Variants in HIVEP1 observed in about 807,000 individuals in gnomAD.
HIVEP1 encodes the protein HIVEP zinc finger 1, also known as zinc finger protein 40.
HIVEP1 carries 36 observed loss-of-function variants against 180.0 expected under a neutral mutation model. The observed-to-expected ratio is 0.20, with a 90% CI of 0.15 to 0.26. The LOEUF is 0.26. Among genes scored for constraint, HIVEP1 ranks in the 10% least tolerant of loss-of-function variants. The pLI is 1.00. For synonymous variants in HIVEP1, 1,239 were observed against 1,239.0 expected, an observed-to-expected ratio of 1.00 and a Z score of 0.00; for missense variants, 3,143 against 3,268.7, an observed-to-expected ratio of 0.96 and a Z score of 0.94.
intron 2 of HIVEP1, among the ~76,000 whole-genome samples, chr6:12,026,664 G>A (rs946902174): frequency 2.0e-5 from 3 of 152,082 alleles, no homozygotes; most frequent in Admixed American, 6.6e-5. Flanking sequence ...AAAGAAGATC[G>A]TTCGGTGGCT....
At chr6:12,166,266 T>C (rs16872348), downstream of HIVEP1, among the ~76,000 whole-genome samples, 33,146 of 152,102 alleles carry the variant, frequency 0.22, 4,024 homozygotes, top group East Asian at 0.47. Context: ...ACAGATGACT[T>C]CTCTAAATTC....
intron 1 of HIVEP1, 111 bp downstream of exon 1, chr6:12,012,677 C>CGTGTGTGT (rs138462020): frequency 2.1e-5 from 3 of 142,868 alleles, no homozygotes; most frequent in Non-Finnish European, 4.6e-5. Flanking sequence ...TGCGGGCGCG[C>CGTGTGTGT]GTGTGTGTGT....
intron 6 of HIVEP1, among the ~76,000 whole-genome samples, chr6:12,131,213 T>C (rs1315958837): frequency 1.3e-5 from 2 of 151,852 alleles, no homozygotes; most frequent in African/African-American, 4.8e-5. Context: ...CTCCTTAAAT[T>C]GCAGTTGTAC....
intron 2 of HIVEP1, among the ~76,000 whole-genome samples, chr6:12,054,036 C>G (rs1262690333): frequency 6.6e-6 from 1 of 152,184 alleles, no homozygotes; most frequent in Non-Finnish European, 1.5e-5. Flanking sequence ...TTCAAATAGT[C>G]TGTCATATTT....
intron 3 of HIVEP1, among the ~76,000 whole-genome samples, chr6:12,116,696 G>C (rs1248462273): frequency 6.6e-6 from 1 of 152,058 alleles, no homozygotes; most frequent in African/African-American, 2.4e-5. Flanking sequence ...ACAAAATCCA[G>C]AAGAATGAAC....
At chr6:12,024,782 A>G (rs922460715) in intron 2 of HIVEP1, among the ~76,000 whole-genome samples, 1 of 152,232 alleles carries the variant, frequency 6.6e-6, no homozygotes, top group Non-Finnish European at 1.5e-5. Flanking sequence ...TGGTTGGTTA[A>G]GCCACGCCAG....
At chr6:12,154,520 T>C (rs1759902268) in intron 7 of HIVEP1, among the ~76,000 whole-genome samples, 1 of 152,204 alleles carries the variant, frequency 6.6e-6, no homozygotes, top group South Asian at 2.1e-4. Flanking sequence ...ATTCCGTTTT[T>C]ATTTACTTAC....
intron 7 of HIVEP1, among the ~76,000 whole-genome samples, chr6:12,154,215 C>A (rs1250110520): frequency 2.0e-5 from 3 of 152,250 alleles, no homozygotes; most frequent in African/African-American, 4.8e-5. Context: ...CAGTGAGAAA[C>A]CTGGTTCGCA....
chr6:12,030,257 A>C (rs1174655922), intron 2 of HIVEP1, among the ~76,000 whole-genome samples: 2 of 152,054 alleles, frequency 1.3e-5, no homozygotes, highest in Non-Finnish European at 1.5e-5. Context: ...TGATGTGCTT[A>C]GTTGTGGATT....
chr6:12,123,026 A>C lies in HIVEP1; in HGVS notation c.3231A>C (p.Ile1077=). The C allele has an allele frequency of 1.2e-6, 2 of 1,614,196 alleles. No individual in the cohort carries two copies. The highest frequency in any genetic ancestry group is 1.6e-4 in the Middle Eastern group (1 of 6,062). ...NPSLPKHNVT[I]RSDQQHKNIQ... ...GTTTGCCTAAACATAATGTTACCAT[A>C]AGAAGTGACCAGCAGCATAAAAATA... The change falls in exon 4 of 9, where the codon ATA becomes ATC. Residue 1077 remains isoleucine, a synonymous_variant. Transcript: ENST00000379388.
chr6:12,029,243 C>T (rs544243361), intron 2 of HIVEP1, among the ~76,000 whole-genome samples: 2 of 152,266 alleles, frequency 1.3e-5, no homozygotes, highest in East Asian at 3.9e-4. Flanking sequence ...CTTGATATTA[C>T]TATAGAGACT....
the HIVEP1 span, among the ~76,000 whole-genome samples, chr6:12,173,742 T>G: frequency 6.6e-6 from 1 of 152,190 alleles, no homozygotes; most frequent in African/African-American, 2.4e-5. Flanking sequence ...TTTCATTCAT[T>G]TGTTTTCAGT....
chr6:12,184,767 G>T, the HIVEP1 span, among the ~76,000 whole-genome samples: 20 of 152,210 alleles, frequency 1.3e-4, no homozygotes, highest in South Asian at 4.1e-4. Context: ...AAACTTTTAT[G>T]AGTCATTATG....
At position 12,023,477 on chromosome 6, in the gene HIVEP1, A is replaced by G. The variant is rs111968828; in HGVS notation, c.40+7809A>G. On this transcript the variant is annotated intron_variant, in intron 2 of 8. Transcript: ENST00000379388. ...GGAAACAACCCCATGGCTTATTTCAAAAACAAAAACAAAAGAAATTCTCTA... is the reference window on the plus strand; with the variant it reads ...GGAAACAACCCCATGGCTTATTTCAGAAACAAAAACAAAAGAAATTCTCTA... Among the ~76,000 whole-genome samples the G allele has an allele frequency of 4.6e-5, 7 of 152,372 alleles. 1 individual carries two copies. Among genetic ancestry groups the G allele is most frequent in the African/African-American group, 1.7e-4 (7 of 41,588 alleles).
intron 7 of HIVEP1, among the ~76,000 whole-genome samples, chr6:12,160,904 T>C (rs528438976): frequency 1.3e-5 from 2 of 152,332 alleles, no homozygotes; most frequent in African/African-American, 4.8e-5. Context: ...AGGGCCCACA[T>C]TCCTCAGATA....
intron 3 of HIVEP1, among the ~76,000 whole-genome samples, chr6:12,116,844 C>T (rs78293794): frequency 0.012 from 1,755 of 152,194 alleles, 32 homozygotes; most frequent in African/African-American, 0.04. Flanking sequence ...GGAAATATTA[C>T]TCCAGAAACA....
At chr6:12,204,690 G>C in the HIVEP1 span, among the ~76,000 whole-genome samples, 1 of 152,216 alleles carries the variant, frequency 6.6e-6, no homozygotes, top group South Asian at 2.1e-4. Context: ...TATTTATTGA[G>C]TACCTATTGC....
chr6:12,087,777 G>A (rs1477385751), intron 2 of HIVEP1, among the ~76,000 whole-genome samples: 2 of 152,048 alleles, frequency 1.3e-5, no homozygotes, highest in East Asian at 1.9e-4. Context: ...TTCACTCATC[G>A]TTTCATGAGC....
intron 2 of HIVEP1, among the ~76,000 whole-genome samples, chr6:12,060,273 A>G (rs1031371193): frequency 2.0e-5 from 3 of 152,170 alleles, no homozygotes; most frequent in African/African-American, 4.8e-5. Flanking sequence ...CTGCTTTCCA[A>G]TCTCTGTAGC....
Sources: gnomAD v4.1 joint callset for allele counts (sites outside exome capture counted in the v4.1 genomes callset) on GRCh38, gnomAD v4.1.1 for gene constraint, MANE v1.5 for transcripts, NCBI Gene and HGNC (gene_info 2026-07-23, HGNC 2026-07-21) for gene names.